GAS7: variants seen among roughly 807,000 people sequenced by gnomAD.
GAS7 encodes growth arrest specific 7, also known as growth arrest-specific protein 7.
A neutral mutation model predicts 71.1 loss-of-function variants in GAS7; 28 were observed. The observed-to-expected ratio is 0.39, with a 90% confidence interval of 0.29 to 0.54. The LOEUF (loss-of-function observed/expected upper bound fraction) is 0.54, where lower values mean the gene tolerates loss of function less well. GAS7 is among the 20% of genes least tolerant of loss of function. The pLI is 0.62. For synonymous variants in GAS7, 258 were observed against 245.8 expected, an observed-to-expected ratio of 1.05 and a Z score of -0.46; for missense variants, 436 against 627.8, an observed-to-expected ratio of 0.69 and a Z score of 3.27.
intron 1 of GAS7, among the ~76,000 whole-genome samples, chr17:10,047,381 C>T (rs1314535511): frequency 1.3e-5 from 2 of 152,198 alleles, no homozygotes; most frequent in African/African-American, 4.8e-5. Flanking sequence ...GGTGCACCAT[C>T]GAACCCTACA....
At chr17:10,005,050 T>TATATATATATATATAC (rs1296844463) in intron 2 of GAS7, among the ~76,000 whole-genome samples, 48 of 150,158 alleles carry the variant, frequency 3.2e-4, no homozygotes, top group Admixed American at 9.9e-4. Context: ...TACATATATA[T>TATATATATATATATAC]ACACATATAT....
intron 8 of GAS7, among the ~76,000 whole-genome samples, chr17:9,939,300 T>C (rs2068512073): frequency 6.6e-6 from 1 of 152,168 alleles, no homozygotes. Flanking sequence ...CTAGGAGTCC[T>C]TCTGTGGCTG....
intron 4 of GAS7, among the ~76,000 whole-genome samples, chr17:9,965,655 T>A (rs2069676705): frequency 6.6e-6 from 1 of 152,212 alleles, no homozygotes; most frequent in Non-Finnish European, 1.5e-5. Context: ...GTTCTCCACA[T>A]GTATCCCAGA....
intron 3 of GAS7, among the ~76,000 whole-genome samples, chr17:9,973,256 CTTTT>C (rs34030402): frequency 1.4e-5 from 2 of 142,618 alleles, no homozygotes; most frequent in Non-Finnish European, 3.1e-5. Flanking sequence ...ATAGTAGAAA[CTTTT>C]TTTTTTTTTT....
intron 2 of GAS7, among the ~76,000 whole-genome samples, chr17:9,988,902 A>G (rs572490204): frequency 6.1e-5 from 9 of 146,370 alleles, no homozygotes; most frequent in African/African-American, 1.8e-4. Flanking sequence ...AGACCGGAGT[A>G]CAGTGGCGCG....
chr17:9,959,082 C>A lies in GAS7; in HGVS notation c.525+120G>T. The A allele has an allele frequency of 7.4e-7, 1 of 1,355,252 alleles. No individual in the cohort carries two copies. The highest frequency in any genetic ancestry group is 9.9e-7 in the Non-Finnish European group (1 of 1,014,156). The allele number at this position is 1,355,252 out of a possible 1,614,324, so 84.0% of individuals were successfully genotyped here. ...CTTGAGTGAAATCCGAGCTTTGGAA[C>A]TTCCCCGTTTCCAGGTTGGGCATCA... On this transcript the variant is annotated intron_variant, in intron 5 of 13. Transcript: ENST00000432992. This position sits in a 1 kb window ranked among gnomAD's most constrained non-coding sequence, Gnocchi z 5.0.
chr17:10,160,214 C>T (rs9890793), intron 1 of GAS7, among the ~76,000 whole-genome samples: 28,275 of 151,922 alleles, frequency 0.19, 2,740 homozygotes, highest in Middle Eastern at 0.23. Flanking sequence ...CCAGGTATGA[C>T]CGTTCTTCTG....
intron 2 of GAS7, among the ~76,000 whole-genome samples, chr17:9,985,472 C>G (rs925674984): frequency 2.0e-5 from 3 of 152,210 alleles, no homozygotes; most frequent in Non-Finnish European, 2.9e-5. Flanking sequence ...GCCTCCTGCT[C>G]CCCCATCCCT....
chr17:9,996,626 T>C (rs932874502), intron 2 of GAS7, among the ~76,000 whole-genome samples: 2 of 150,642 alleles, frequency 1.3e-5, no homozygotes, highest in East Asian at 1.9e-4. Context: ...TACACACATA[T>C]ATATATATTT....
Position 9,913,199 on chromosome 17 carries a change from G to C in GAS7, c.*4029C>G, listed in dbSNP as rs997954414. The C allele has an allele frequency of 4.3e-6, 1 of 232,482 alleles. No homozygotes were observed. The highest frequency in any genetic ancestry group is 8.5e-6 in the Non-Finnish European group (1 of 117,558). 14.4% of individuals were successfully genotyped at this position (232,482 alleles called of 1,614,324 possible). ...TCATACCTCAATAAACCTGGGAAAA[G>C]GTGGTGGCGATGGGCCTTGTAGGGA... On this transcript the variant is annotated 3_prime_UTR_variant, in exon 14 of 14. Coordinates refer to ENST00000432992, the MANE Select transcript of GAS7 (RefSeq NM_201433.2).
intron 1 of GAS7, among the ~76,000 whole-genome samples, chr17:10,187,048 A>G (rs1025976804): frequency 6.6e-6 from 1 of 152,216 alleles, no homozygotes; most frequent in African/African-American, 2.4e-5. Context: ...ATCTACATAG[A>G]TACAGCTTGC....
chr17:9,921,741 C>G (rs967486861), intron 11 of GAS7, among the ~76,000 whole-genome samples: 3 of 151,992 alleles, frequency 2.0e-5, no homozygotes, highest in African/African-American at 7.2e-5. Flanking sequence ...GGGTGGATCA[C>G]GAGGTCAGGA....
At chr17:10,094,774 T>C (rs2152257992) in intron 1 of GAS7, among the ~76,000 whole-genome samples, 1 of 152,266 alleles carries the variant, frequency 6.6e-6, no homozygotes, top group African/African-American at 2.4e-5. Context: ...GGCCACTCTC[T>C]GGATCTTTAA....
chr17:10,119,665 G>C (rs568651624), intron 1 of GAS7, among the ~76,000 whole-genome samples: 25 of 152,326 alleles, frequency 1.6e-4, no homozygotes, highest in Non-Finnish European at 2.8e-4. Flanking sequence ...GGTTTCTCTA[G>C]AAGCTGCCCA....
At chr17:10,182,699 G>A (rs1213277492) in intron 1 of GAS7, among the ~76,000 whole-genome samples, 1 of 152,182 alleles carries the variant, frequency 6.6e-6, no homozygotes, top group Non-Finnish European at 1.5e-5. Flanking sequence ...TCTAGGGGCT[G>A]CAGGAGACAC....
chr17:10,033,341 G>C (rs7220160), intron 1 of GAS7, among the ~76,000 whole-genome samples: 2,034 of 152,236 alleles, frequency 0.013, 35 homozygotes, highest in African/African-American at 0.046. Context: ...GAGAGAGAGA[G>C]AGACAGAGAG....
intron 1 of GAS7, among the ~76,000 whole-genome samples, chr17:10,056,138 C>T (rs774595334): frequency 2.7e-5 from 4 of 150,436 alleles, no homozygotes; most frequent in Non-Finnish European, 5.9e-5. Flanking sequence ...ACTTTGAGAT[C>T]GCTTGAGTTA....
intron 1 of GAS7, among the ~76,000 whole-genome samples, chr17:10,164,439 T>TCA (rs2074277953): frequency 2.2e-5 from 2 of 89,222 alleles, no homozygotes; most frequent in South Asian, 7.6e-4. Context: ...AGACTCTGTC[T>TCA]CAAAAAAAAA....
chr17:10,059,507 C>T (rs1432209850), intron 1 of GAS7, among the ~76,000 whole-genome samples: 1 of 152,150 alleles, frequency 6.6e-6, no homozygotes, highest in Non-Finnish European at 1.5e-5. Flanking sequence ...AGGACTGATA[C>T]ACGGGAAGAC....
Sources: gnomAD v4.1 joint callset for allele counts (sites outside exome capture counted in the v4.1 genomes callset) on GRCh38, gnomAD v4.1.1 for gene constraint, Gnocchi (gnomAD v3.1) non-coding constraint, MANE v1.5 for transcripts, NCBI Gene and HGNC (gene_info 2026-07-23, HGNC 2026-07-21) for gene names.